The following ADGRV1 variants were observed in gnomAD, a reference collection of about 807,000 sequenced individuals.
ADGRV1 encodes adhesion G protein-coupled receptor V1.
A neutral mutation model predicts 596.2 loss-of-function variants in ADGRV1; 359 were observed. The observed-to-expected ratio is 0.60, with a 90% CI of 0.55 to 0.66. The LOEUF (loss-of-function observed/expected upper bound fraction) is 0.66. Ranked by LOEUF, ADGRV1 falls within the 30% of genes least tolerant of loss-of-function variation. ADGRV1 has a pLI of 0.00. For missense variants in ADGRV1, 7,274 were observed against 7,575.6 expected (o/e 0.96, Z 1.48); for synonymous variants, 2,681 against 2,679.2 (o/e 1.00, Z -0.02).
rs765557692 is a variant in ADGRV1, at chr5:90,643,846, G to A, written c.2597G>A (p.Arg866Gln). The A allele has an allele frequency of 1.9e-6, 3 of 1,610,726 alleles. No individual in the cohort carries two copies. The highest frequency in any genetic ancestry group is 2.5e-6 in the Non-Finnish European group (3 of 1,178,128). Residue 866 changes from arginine to glutamine, a missense_variant, in exon 14 of 90, where the codon CGG (arginine) becomes CAG (glutamine). This residue lies in a region of ADGRV1 where 1,715 missense variants were observed against 1,708.8 expected (regional missense o/e 1.00). Transcript: ENST00000405460. ...GTGGTCCTCAGCAGCCACGGAGAAC[G>A]GGAAAGCAAGTTGGGAAGTGCCACC... ...YWVVLSSHGE[R>Q]ESKLGSATIV... is the part of the protein sequence containing the mutation.
intron 1 of ADGRV1, among the ~76,000 whole-genome samples, chr5:90,590,190 G>T (rs979228445): frequency 6.6e-6 from 1 of 152,130 alleles, no homozygotes; most frequent in Non-Finnish European, 1.5e-5. Context: ...GTTATCTATT[G>T]CTATGTAAGA....
chr5:91,127,443 C>T (rs1383408332), intron 87 of ADGRV1, among the ~76,000 whole-genome samples: 1 of 149,520 alleles, frequency 6.7e-6, no homozygotes, highest in Admixed American at 6.8e-5. Flanking sequence ...GAGGCTGAGG[C>T]AGGAAGATCC....
intron 84 of ADGRV1, 145 bp from the exon 85 acceptor site, chr5:90,985,199 G>A: frequency 2.1e-6 from 1 of 486,968 alleles, no homozygotes; most frequent in African/African-American, 2.0e-5. Context: ...AAGAATGAAT[G>A]TATGAACTAA....
chr5:90,919,994 CAAAAAAAA>C (rs59122926), intron 83 of ADGRV1, among the ~76,000 whole-genome samples: 1 of 80,076 alleles, frequency 1.2e-5, no homozygotes, highest in South Asian at 4.0e-4. Context: ...AACTCCATCT[CAAAAAAAA>C]AAAAAAAAAA....
At chr5:90,778,696 A>G (rs1364457143) in intron 63 of ADGRV1, 87 bp downstream of exon 63, 9 of 1,176,600 alleles carry the variant, frequency 7.6e-6, no homozygotes, top group Middle Eastern at 2.8e-4. Context: ...GAGTTTTCAT[A>G]AACTGATTAA....
intron 84 of ADGRV1, among the ~76,000 whole-genome samples, chr5:90,982,155 G>T (rs1351791460): frequency 6.6e-6 from 1 of 152,088 alleles, no homozygotes; most frequent in African/African-American, 2.4e-5. Flanking sequence ...GGTATGTATA[G>T]GTCACACTTA....
At chr5:90,759,879 CG>C in intron 58 of ADGRV1, 1 of 327,302 alleles carries the variant, frequency 3.1e-6, no homozygotes, top group Non-Finnish European at 5.8e-6. Context: ...GCAGGAGACT[CG>C]CTTGAACCCA....
chr5:90,993,170 T>G (rs1287588144), intron 85 of ADGRV1, among the ~76,000 whole-genome samples: 1 of 147,388 alleles, frequency 6.8e-6, no homozygotes, highest in African/African-American at 2.5e-5. Context: ...TTTTTTTTTT[T>G]TTTTTTTTGA....
chr5:91,083,056 A>G (rs553854745), intron 86 of ADGRV1, among the ~76,000 whole-genome samples: 11 of 152,358 alleles, frequency 7.2e-5, no homozygotes, highest in Non-Finnish European at 1.5e-4. Flanking sequence ...AAGTAGGGAA[A>G]GGTAATTTGG....
chr5:90,839,743 C>T (rs923288124), intron 77 of ADGRV1, among the ~76,000 whole-genome samples: 1 of 152,204 alleles, frequency 6.6e-6, no homozygotes, highest in Non-Finnish European at 1.5e-5. Context: ...GCTACCCTTT[C>T]CATCACCGTG....
intron 34 of ADGRV1, 35 bp downstream of exon 34, chr5:90,697,181 CT>C: frequency 6.5e-7 from 1 of 1,549,690 alleles, no homozygotes; most frequent in Non-Finnish European, 8.9e-7. Flanking sequence ...TATTCATTTT[CT>C]TTTCTATGGA....
intron 86 of ADGRV1, among the ~76,000 whole-genome samples, chr5:91,093,775 T>C (rs1790581964): frequency 6.6e-6 from 1 of 152,120 alleles, no homozygotes; most frequent in African/African-American, 2.4e-5. Context: ...TTAAATGGCC[T>C]GATCATATAT....
At chr5:91,073,920 A>T (rs921049035) in intron 86 of ADGRV1, among the ~76,000 whole-genome samples, 2 of 151,850 alleles carry the variant, frequency 1.3e-5, no homozygotes, top group African/African-American at 4.8e-5. Flanking sequence ...CTGGTCTTGA[A>T]CTCCTGAGCT....
intron 1 of ADGRV1, among the ~76,000 whole-genome samples, chr5:90,600,930 T>C (rs1012746113): frequency 6.6e-6 from 1 of 152,064 alleles, no homozygotes; most frequent in Non-Finnish European, 1.5e-5. Context: ...AAAATATCCT[T>C]TCACTTAGAA....
At chr5:90,853,014 A>G (rs1258487083) in intron 79 of ADGRV1, among the ~76,000 whole-genome samples, 1 of 152,220 alleles carries the variant, frequency 6.6e-6, no homozygotes, top group Non-Finnish European at 1.5e-5. Context: ...CACAGATTTC[A>G]TCTTGATATC....
intron 85 of ADGRV1, among the ~76,000 whole-genome samples, chr5:91,065,595 C>T (rs1010142455): frequency 2.6e-5 from 4 of 152,224 alleles, no homozygotes; most frequent in Admixed American, 6.5e-5. Flanking sequence ...CTGGACCCCT[C>T]TGCCTCTGAG....
intron 87 of ADGRV1, among the ~76,000 whole-genome samples, chr5:91,131,612 G>A (rs148633149): frequency 0.016 from 2,479 of 151,808 alleles, 74 homozygotes; most frequent in African/African-American, 0.057. Flanking sequence ...CACCATGCCC[G>A]GCCTTTGTGC....
chr5:90,591,216 A>G (rs193079543), intron 1 of ADGRV1, among the ~76,000 whole-genome samples: 4 of 152,226 alleles, frequency 2.6e-5, no homozygotes, highest in African/African-American at 9.6e-5. Context: ...ACGTGGTGAA[A>G]TCCCGTCCTT....
At chr5:90,961,179 G>A (rs1777973678) in intron 83 of ADGRV1, among the ~76,000 whole-genome samples, 1 of 152,086 alleles carries the variant, frequency 6.6e-6, no homozygotes, top group Non-Finnish European at 1.5e-5. Context: ...AGAGTAAGCA[G>A]GTAGAATTTG....
Sources: allele counts gnomAD v4.1 joint callset (sites outside exome capture counted in the v4.1 genomes callset), GRCh38; gene constraint gnomAD v4.1.1; regional missense constraint gnomAD v4.1.1; transcripts MANE v1.5; gene names NCBI Gene and HGNC (gene_info 2026-07-23, HGNC 2026-07-21).